The following TAFA2 variants were observed in gnomAD, a reference collection of about 807,000 sequenced individuals.
The protein encoded by TAFA2 is TAFA chemokine like family member 2, also known as chemokine-like protein TAFA-2.
A neutral mutation model predicts 18.8 loss-of-function variants in TAFA2; 7 were observed. The observed-to-expected ratio is 0.37, with a 90% CI of 0.21 to 0.70. The LOEUF is 0.70. TAFA2 is among the 30% of genes least tolerant of loss of function. TAFA2 has a pLI of 0.53. For missense variants in TAFA2, 122 were observed against 158.1 expected, an observed-to-expected ratio of 0.77 and a Z score of 1.23; for synonymous variants, 60 against 54.2, an observed-to-expected ratio of 1.11 and a Z score of -0.47.
intron 4 of TAFA2, among the ~76,000 whole-genome samples, chr12:61,748,971 G>C (rs1868869793): frequency 6.6e-6 from 1 of 151,862 alleles, no homozygotes; most frequent in African/African-American, 2.4e-5. Context: ...ATGGGTAAAG[G>C]AAAGAATAAT....
At chr12:62,082,956 T>C (rs1017378516) in intron 1 of TAFA2, among the ~76,000 whole-genome samples, 4 of 152,020 alleles carry the variant, frequency 2.6e-5, no homozygotes, top group African/African-American at 7.2e-5. Context: ...CCTTTGAGAG[T>C]AGGTGCTATT....
intron 3 of TAFA2, among the ~76,000 whole-genome samples, chr12:61,754,420 A>G (rs1869167183): frequency 6.6e-6 from 1 of 152,032 alleles, no homozygotes; most frequent in Non-Finnish European, 1.5e-5. Flanking sequence ...TCATCATAAA[A>G]GTTGATATTT....
intron 1 of TAFA2, among the ~76,000 whole-genome samples, chr12:62,111,723 T>A (rs968724373): frequency 2.0e-5 from 3 of 152,212 alleles, no homozygotes; most frequent in Non-Finnish European, 4.4e-5. Context: ...GTTGAATTGA[T>A]CCCTTTACCA....
chr12:61,743,331 T>C (rs1868543900), intron 4 of TAFA2, among the ~76,000 whole-genome samples: 1 of 152,106 alleles, frequency 6.6e-6, no homozygotes. Flanking sequence ...GCCCATTCAA[T>C]GTCATCTAGA....
chr12:61,917,543 C>T (rs897330911), intron 1 of TAFA2, among the ~76,000 whole-genome samples: 2 of 152,072 alleles, frequency 1.3e-5, no homozygotes, highest in Admixed American at 6.6e-5. Context: ...CATAACTTCC[C>T]CTCCCGTGCC....
At chr12:62,168,221 T>A (rs149475752) in intron 1 of TAFA2, among the ~76,000 whole-genome samples, 1 of 152,134 alleles carries the variant, frequency 6.6e-6, no homozygotes, top group Non-Finnish European at 1.5e-5. Flanking sequence ...AATTCTTATA[T>A]CACGACTTTG....
upstream of TAFA2, among the ~76,000 whole-genome samples, chr12:62,193,798 A>G (rs1038596424): frequency 1.3e-5 from 2 of 152,204 alleles, no homozygotes; most frequent in African/African-American, 4.8e-5. Flanking sequence ...AATGTGTATT[A>G]AAGTTATTAT....
chr12:61,856,709 T>C (rs1277319056), intron 2 of TAFA2, among the ~76,000 whole-genome samples: 1 of 151,964 alleles, frequency 6.6e-6, no homozygotes, highest in Non-Finnish European at 1.5e-5. Context: ...AAAAGTGTCA[T>C]TGTCAAAACA....
At chr12:62,085,337 C>A (rs562853304) in intron 1 of TAFA2, among the ~76,000 whole-genome samples, 1 of 152,170 alleles carries the variant, frequency 6.6e-6, no homozygotes, top group Non-Finnish European at 1.5e-5. Flanking sequence ...TATGTTTTAT[C>A]CCAAGCTTAG....
intron 1 of TAFA2, among the ~76,000 whole-genome samples, chr12:62,044,361 G>A (rs1881851820): frequency 6.6e-6 from 1 of 152,026 alleles, no homozygotes; most frequent in Non-Finnish European, 1.5e-5. Context: ...TACAAAAAGT[G>A]GTGAGAGGAA....
intron 2 of TAFA2, among the ~76,000 whole-genome samples, chr12:61,818,020 A>G (rs951496012): frequency 1.3e-5 from 2 of 152,136 alleles, no homozygotes; most frequent in African/African-American, 2.4e-5. Context: ...CCAGTGTCCA[A>G]CATCAGCTGT....
At chr12:61,762,219 A>C in intron 2 of TAFA2, among the ~76,000 whole-genome samples, 1 of 152,090 alleles carries the variant, frequency 6.6e-6, no homozygotes, top group Non-Finnish European at 1.5e-5. Flanking sequence ...TATGCAAGAA[A>C]GACCTTTCTA....
chr12:62,211,639 C>A (rs1363277435), intron 1 of TAFA2, among the ~76,000 whole-genome samples: 1 of 151,286 alleles, frequency 6.6e-6, no homozygotes, highest in Admixed American at 6.6e-5. Context: ...AAGAAAAGGA[C>A]TTTTATTGTT....
At chr12:62,147,316 GTGTATGTA>G (rs796697377) in intron 1 of TAFA2, among the ~76,000 whole-genome samples, 1,507 of 45,074 alleles carry the variant, frequency 0.033, 60 homozygotes, top group East Asian at 0.076. Context: ...GTGTGTGTGT[GTGTATGTA>G]TGTATATATA....
At chr12:61,749,897 A>G (rs1004890252) in intron 4 of TAFA2, among the ~76,000 whole-genome samples, 1 of 152,048 alleles carries the variant, frequency 6.6e-6, no homozygotes, top group East Asian at 1.9e-4. Context: ...TGTATTTTGT[A>G]GCTTGGTGTC....
intron 1 of TAFA2, among the ~76,000 whole-genome samples, chr12:62,069,384 T>A (rs1882570071): frequency 6.6e-6 from 1 of 152,198 alleles, no homozygotes; most frequent in South Asian, 2.1e-4. Context: ...CTCTGCCCTA[T>A]ACACACCACA....
rs529135579 is a variant in TAFA2 at position 62,137,486 on chromosome 12, C to T, written c.-2+53773G>A. Among the ~76,000 whole-genome samples, 4 of 152,202 alleles carry T rather than the reference C, an allele frequency of 2.6e-5. No individual in the cohort carries two copies. The South Asian group carries it at 8.3e-4, about 32-fold the overall frequency. The stretch of plus-strand genomic sequence containing the variant: ...TGAGGATGGAATTTAGGTTCTAACT[C>T]GGAATTATCTCATTCCAAAGCTCAT... On this transcript the variant is annotated intron_variant, in intron 1 of 4. Transcript: ENST00000416284.
chr12:61,789,998 C>T (rs1240251537), intron 2 of TAFA2, among the ~76,000 whole-genome samples: 1 of 151,770 alleles, frequency 6.6e-6, no homozygotes, highest in Non-Finnish European at 1.5e-5. Flanking sequence ...TTCAATAGCA[C>T]ATGATAAAGA....
At chr12:62,175,112 ATT>A (rs571721408) in intron 1 of TAFA2, among the ~76,000 whole-genome samples, 1 of 152,014 alleles carries the variant, frequency 6.6e-6, no homozygotes, top group African/African-American at 2.4e-5. Flanking sequence ...TTCCCTGTGG[ATT>A]TTTTTTCTTA....
Sources: gnomAD v4.1 joint callset for allele counts (sites outside exome capture counted in the v4.1 genomes callset) on GRCh38, gnomAD v4.1.1 for gene constraint, MANE v1.5 for transcripts, NCBI Gene and HGNC (gene_info 2026-07-23, HGNC 2026-07-21) for gene names.